CLCN1: variants seen among roughly 807,000 people sequenced by gnomAD.
The protein encoded by CLCN1 is chloride voltage-gated channel 1, also known as chloride channel protein 1.
A neutral mutation model predicts 114.5 loss-of-function variants in CLCN1; 100 were observed. The observed-to-expected ratio is 0.87, with a 90% CI of 0.74 to 1.03. CLCN1 has a LOEUF of 1.03. Among genes scored for constraint, CLCN1 ranks in the 50% least tolerant of loss-of-function variants. The pLI is 0.00. For missense variants in CLCN1, 1,188 were observed against 1,250.0 expected (o/e 0.95, Z 0.75); for synonymous variants, 485 against 487.1 (o/e 1.00, Z 0.06).
chr7:143,330,893 T>C lies in CLCN1; in HGVS notation c.975T>C (p.Asp325=), dbSNP rs1243380901. The C allele has an allele frequency of 9.9e-6, 16 of 1,614,154 alleles. No homozygotes were observed. In the East Asian group the frequency reaches 3.6e-4, roughly 36 times the overall value. ...GAGTGCTGGCAGTGTGGAACAAGGATGCTGGTAACCAAGGAGGCCTTGGGT... is the reference window on the plus strand; with the variant it reads ...GAGTGCTGGCAGTGTGGAACAAGGACGCTGGTAACCAAGGAGGCCTTGGGT... The part of the protein sequence containing the change: ...VFRVLAVWNK[D]AVTITALFRT... The change falls in exon 8 of 23, where the codon GAT becomes GAC. Residue 325 remains aspartate, a synonymous_variant. Transcript: ENST00000343257.
chr7:143,336,018 G>A (rs62471040), intron 12 of CLCN1, among the ~76,000 whole-genome samples: 22,780 of 152,052 alleles, frequency 0.15, 2,061 homozygotes, highest in Middle Eastern at 0.3. Flanking sequence ...ATCTCATGAC[G>A]TGGAAAGTGT....
At chr7:143,341,331 G>A (rs1037989857) in intron 14 of CLCN1, among the ~76,000 whole-genome samples, 1 of 152,232 alleles carries the variant, frequency 6.6e-6, no homozygotes, top group Admixed American at 6.5e-5. Flanking sequence ...GGCCGAGGCA[G>A]GCAGATCACT....
rs1802536837 is a variant in CLCN1 at position 143,324,822 on chromosome 7, C to T, written c.853+330C>T. On this transcript the variant is annotated intron_variant, in intron 7 of 22. Coordinates refer to ENST00000343257, the MANE Select transcript of CLCN1 (RefSeq NM_000083.3). This position sits in a 1 kb window ranked among gnomAD's most constrained non-coding sequence, Gnocchi z 4.6. ...CGTGGCTCCCCTACTTATTTTCAAA[C>T]CTGTTTGTATTGTTGGATGTTTTTG... 6.6e-6 allele frequency among the ~76,000 whole-genome samples: 1 copy of T among 152,158 alleles called. No homozygotes were observed. The highest frequency in any genetic ancestry group is 2.4e-5 in the African/African-American group (1 of 41,428).
intron 1 of CLCN1, among the ~76,000 whole-genome samples, chr7:143,319,382 G>A (rs1234896648): frequency 6.6e-6 from 1 of 152,178 alleles, no homozygotes; most frequent in Non-Finnish European, 1.5e-5. Flanking sequence ...GGGAAATTGT[G>A]GGACATACAG....
Position 143,324,545 on chromosome 7 carries a change from A to G in CLCN1, c.853+53A>G, listed in dbSNP as rs148955935. The G allele has an allele frequency of 5.5e-4, 759 of 1,370,724 alleles. 5 individuals are homozygous for G. In the African/African-American group the frequency reaches 9.1e-3, roughly 16 times the overall value. The allele number at this position is 1,370,724 out of a possible 1,614,324, so 84.9% of individuals were successfully genotyped here. A position where few individuals can be genotyped will look rare whatever the true frequency, so the allele number is the denominator to read the frequency against. ...ATCGGCTTGCCTGGCCTGGCTCCCA[A>G]AACAGTTTTAATCAGTATCCACAAG... On this transcript the variant is annotated intron_variant, in intron 7 of 22. Coordinates refer to ENST00000343257, the MANE Select transcript of CLCN1 (RefSeq NM_000083.3). The surrounding 1 kb of genome is among the most constrained non-coding windows in gnomAD (Gnocchi z 4.6).
At chr7:143,333,918 A>C (rs370409517) in intron 12 of CLCN1, among the ~76,000 whole-genome samples, 1 of 152,196 alleles carries the variant, frequency 6.6e-6, no homozygotes, top group Non-Finnish European at 1.5e-5. Flanking sequence ...CATCTATTAC[A>C]ATTGCTGATT....
In CLCN1 at chr7:143,316,240, G is replaced by C. The variant is rs1051714088; in HGVS notation, c.28G>C (p.Gly10Arg). Reference protein sequence around the residue: MEQSRSQQRGGEQSWWGSDP... With the variant: MEQSRSQQRRGEQSWWGSDP... Reference sequence around the variant, plus strand: ...GGAGCAATCCCGGTCACAGCAGCGTGGGGGTGAACAAAGCTGGTGGGGTAG... The same window carrying C: ...GGAGCAATCCCGGTCACAGCAGCGTCGGGGTGAACAAAGCTGGTGGGGTAG... Residue 10 changes from glycine to arginine, a missense_variant, in exon 1 of 23, where the codon GGG becomes CGG. Gly to Arg is a moderately radical substitution (Grantham distance 125). Coordinates refer to ENST00000343257, the MANE Select transcript of CLCN1 (RefSeq NM_000083.3). The C allele has an allele frequency of 6.2e-7, 1 of 1,613,546 alleles. No individual in the cohort carries two copies. The highest frequency in any genetic ancestry group is 1.3e-5 in the African/African-American group (1 of 75,038).
At chr7:143,342,275 A>C in intron 15 of CLCN1, 97 bp from the exon 16 acceptor site, 1 of 1,505,312 alleles carries the variant, frequency 6.6e-7, no homozygotes, top group Non-Finnish European at 9.2e-7. Flanking sequence ...CACCTAGTAG[A>C]TATTGTGAGT....
chr7:143,345,586 T>A lies in CLCN1; in HGVS notation c.1996T>A (p.Cys666Ser), dbSNP rs779497410. Residue 666 changes from cysteine to serine, a missense_variant, in exon 17 of 23, where the codon TGT (cysteine) becomes AGT (serine). Transcript: ENST00000343257. ...GCAGGCCCTCCTGCAGCGCCACCTGTGTCCTGAGCGCAGGCTGCGCGCAGC... is the reference window on the plus strand; with the variant it reads ...GCAGGCCCTCCTGCAGCGCCACCTGAGTCCTGAGCGCAGGCTGCGCGCAGC... ...ELQALLQRHL[C>S]PERRLRAAQE... The A allele has an allele frequency of 2.6e-6, 4 of 1,550,920 alleles. No homozygotes were observed. Among genetic ancestry groups the A allele is most frequent in the Non-Finnish European group, 3.5e-6 (4 of 1,147,196 alleles).
Position 143,319,869 on chromosome 7 carries a change from T to C in CLCN1, c.295T>C (p.Cys99Arg). Residue 99 changes from cysteine to arginine, a missense_variant, in exon 2 of 23, where the codon TGT becomes CGT. Coordinates refer to ENST00000343257, the MANE Select transcript of CLCN1 (RefSeq NM_000083.3). ...DSKDEDHYSK[C>R]QDCIHRLGQV... ...CAAGGATGAGGATCACTATTCTAAA[T>C]GTCAAGGTGATGGGGACTGAGGAAT... 1 of 1,613,828 alleles carries C rather than the reference T, an allele frequency of 6.2e-7. No homozygotes were observed. The highest frequency in any genetic ancestry group is 8.5e-7 in the Non-Finnish European group (1 of 1,179,762).
intron 20 of CLCN1, among the ~76,000 whole-genome samples, chr7:143,347,369 C>G (rs1293378283): frequency 6.6e-6 from 1 of 152,092 alleles, no homozygotes; most frequent in Admixed American, 6.5e-5. Flanking sequence ...GCCTGTAATT[C>G]CAGCACTTTG....
In CLCN1 at chr7:143,345,841, G is replaced by A. The variant is rs867745784; in HGVS notation, c.2172+79G>A. 31 of 1,552,680 alleles carry A rather than the reference G, an allele frequency of 2.0e-5. 1 individual carries two copies. In the Middle Eastern group the frequency reaches 4.7e-3, roughly 237 times the overall value. ...AGCGTCGTCTGGGCTGGGCTGGGCT[G>A]GGCTGGGACAGGCGTAGTTTCCCTG... On this transcript the variant is annotated intron_variant, in intron 17 of 22. Coordinates refer to ENST00000343257, the MANE Select transcript of CLCN1 (RefSeq NM_000083.3).
At chr7:143,335,304 C>G (rs1019319331) in intron 12 of CLCN1, among the ~76,000 whole-genome samples, 1 of 152,150 alleles carries the variant, frequency 6.6e-6, no homozygotes, top group Non-Finnish European at 1.5e-5. Flanking sequence ...TAGATTATAT[C>G]CTTGATAATG....
rs928479523 is a variant in CLCN1 at position 143,319,660 on chromosome 7, T to C, written c.181-95T>C. ...TCAACACCCAGAATTCAAAAAGCTG[T>C]TGTTCTTTTCTTCTGTGAGTCTGTC... On this transcript the variant is annotated intron_variant, in intron 1 of 22. Transcript: ENST00000343257. 288 of 1,357,072 alleles carry C rather than the reference T, an allele frequency of 2.1e-4. 3 individuals carry two copies. Among genetic ancestry groups the C allele is most frequent in the Non-Finnish European group, 9.1e-5 (87 of 951,564 alleles). The allele number at this position is 1,357,072 out of a possible 1,614,324, so 84.1% of individuals were successfully genotyped here. A position where few individuals can be genotyped will look rare whatever the true frequency, so the allele number is the denominator to read the frequency against.
chr7:143,331,154 C>T (rs1256590551), intron 8 of CLCN1, 78 bp from the exon 9 acceptor site: 3 of 1,199,990 alleles, frequency 2.5e-6, no homozygotes, highest in Admixed American at 3.4e-5. Flanking sequence ...GGAATTAATC[C>T]TGAAAACTGC....
At chr7:143,332,367 T>C in intron 10 of CLCN1, 52 bp from the exon 11 acceptor site, 1 of 1,309,444 alleles carries the variant, frequency 7.6e-7, no homozygotes, top group Non-Finnish European at 1.1e-6. Flanking sequence ...TTCAGTATGG[T>C]ATTTACTGTG....
chr7:143,326,008 TTTTGTTTGTTTG>T (rs113564889), intron 7 of CLCN1, among the ~76,000 whole-genome samples: 5 of 151,952 alleles, frequency 3.3e-5, no homozygotes, highest in East Asian at 1.9e-4. Flanking sequence ...TACTTGTTTT[TTTTGTTTGTTTG>T]TTTGTTTGTT....
chr7:143,345,603 G>T lies in CLCN1; in HGVS notation c.2013G>T (p.Leu671=). The change falls in exon 17 of 23, where the codon CTG becomes CTT. Residue 671 remains leucine (L), a synonymous_variant. Coordinates refer to ENST00000343257, the MANE Select transcript of CLCN1 (RefSeq NM_000083.3). ...LQRHLCPERR[L]RAAQEMARKL... Reference sequence around the variant, plus strand: ...GCCACCTGTGTCCTGAGCGCAGGCTGCGCGCAGCCCAAGAGATGGCGCGGA... The same window carrying T: ...GCCACCTGTGTCCTGAGCGCAGGCTTCGCGCAGCCCAAGAGATGGCGCGGA... The T allele has an allele frequency of 6.4e-7, 1 of 1,554,384 alleles. No homozygotes were observed. The highest frequency in any genetic ancestry group is 1.2e-5 in the South Asian group (1 of 84,276).
In CLCN1 at chr7:143,345,615, A is replaced by C. The variant is rs1803214172; in HGVS notation, c.2025A>C (p.Gln675His). 6.4e-7 allele frequency: 1 copy of C among 1,558,878 alleles called. No homozygotes were observed. The highest frequency in any genetic ancestry group is 8.7e-7 in the Non-Finnish European group (1 of 1,151,830). Residue 675 changes from glutamine to histidine, a missense_variant, in exon 17 of 23, where the codon CAA (glutamine) becomes CAC (histidine). Transcript: ENST00000343257. ...CTGAGCGCAGGCTGCGCGCAGCCCA[A>C]GAGATGGCGCGGAAGTTGTCGGAGC... ...LCPERRLRAA[Q>H]EMARKLSELP...
Sources: allele counts gnomAD v4.1 joint callset (sites outside exome capture counted in the v4.1 genomes callset), GRCh38; gene constraint gnomAD v4.1.1; non-coding constraint Gnocchi (gnomAD v3.1); transcripts MANE v1.5; gene names NCBI Gene and HGNC (gene_info 2026-07-23, HGNC 2026-07-21).